Variants in EFCAB11 observed in about 807,000 individuals in gnomAD.
The protein encoded by EFCAB11 is EF-hand calcium binding domain 11.
In EFCAB11, 14 loss-of-function variants were observed where a neutral mutation model predicts 23.0. That is an observed-to-expected ratio of 0.61 (90% CI 0.40 to 0.95). EFCAB11 has a LOEUF of 0.95. Ranked by LOEUF, EFCAB11 falls within the 40% of genes least tolerant of loss-of-function variation. The pLI, the probability that EFCAB11 is intolerant of heterozygous loss-of-function variation, is 0.00. For synonymous variants in EFCAB11, 65 were observed against 66.6 expected, an observed-to-expected ratio of 0.98 and a Z score of 0.11; for missense variants, 198 against 195.8, an observed-to-expected ratio of 1.01 and a Z score of -0.07.
intron 5 of EFCAB11, among the ~76,000 whole-genome samples, chr14:89,866,030 C>T (rs1450151317): frequency 2.0e-5 from 3 of 152,052 alleles, no homozygotes; most frequent in South Asian, 4.1e-4. Flanking sequence ...AGTGATCCGC[C>T]CACCTCAGCC....
chr14:89,881,730 G>T (rs1044670836), intron 5 of EFCAB11, among the ~76,000 whole-genome samples: 1 of 151,796 alleles, frequency 6.6e-6, no homozygotes, highest in Non-Finnish European at 1.5e-5. Context: ...TTACAGGCAT[G>T]AGCCACTGTG....
intron 5 of EFCAB11, among the ~76,000 whole-genome samples, chr14:89,805,803 C>T (rs1335986449): frequency 6.6e-6 from 1 of 152,104 alleles, no homozygotes; most frequent in Non-Finnish European, 1.5e-5. Flanking sequence ...TCCTGACATA[C>T]AAAGGATTCT....
At chr14:89,902,563 C>T (rs76570139) in intron 5 of EFCAB11, among the ~76,000 whole-genome samples, 8,209 of 152,204 alleles carry the variant, frequency 0.054, 377 homozygotes, top group African/African-American at 0.12. Context: ...AATCTCAAGG[C>T]TTCCAAGAAT....
intron 5 of EFCAB11, among the ~76,000 whole-genome samples, chr14:89,894,152 G>A (rs1025771000): frequency 6.6e-6 from 1 of 151,940 alleles, no homozygotes; most frequent in Non-Finnish European, 1.5e-5. Context: ...GGGTTTCACC[G>A]TGTTAGCCAG....
At chr14:89,935,786 A>AT (rs1338911389) in intron 3 of EFCAB11, among the ~76,000 whole-genome samples, 3 of 152,198 alleles carry the variant, frequency 2.0e-5, no homozygotes, top group Admixed American at 6.5e-5. Context: ...AGGCAGGCAG[A>AT]TCACCTGAGG....
At chr14:89,869,188 G>A (rs1270549988) in intron 5 of EFCAB11, among the ~76,000 whole-genome samples, 3 of 152,158 alleles carry the variant, frequency 2.0e-5, no homozygotes, top group Admixed American at 1.3e-4. Context: ...GGGTGACAGT[G>A]AGACCCTGTC....
chr14:89,931,663 C>A, intron 4 of EFCAB11, 32 bp from the exon 5 acceptor site: 1 of 1,578,682 alleles, frequency 6.3e-7, no homozygotes, highest in Admixed American at 1.7e-5. Context: ...TATTCACTTA[C>A]TTTAATAAGA....
intron 5 of EFCAB11, among the ~76,000 whole-genome samples, chr14:89,818,908 T>C (rs1474183071): frequency 1.3e-5 from 2 of 152,164 alleles, no homozygotes; most frequent in African/African-American, 4.8e-5. Context: ...GAATTCTCAT[T>C]CACTGCTGGT....
intron 5 of EFCAB11, among the ~76,000 whole-genome samples, chr14:89,822,857 T>C (rs1264460045): frequency 6.6e-6 from 1 of 152,192 alleles, no homozygotes; most frequent in East Asian, 1.9e-4. Context: ...AGAACTATCC[T>C]AACAAAGCTT....
At chr14:89,914,260 C>T (rs886802288) in intron 5 of EFCAB11, among the ~76,000 whole-genome samples, 5 of 152,180 alleles carry the variant, frequency 3.3e-5, no homozygotes, top group African/African-American at 4.8e-5. Context: ...TCATCACACC[C>T]AAGGAGGGAC....
Position 89,893,884 on chromosome 14 carries a change from C to T in EFCAB11, c.410+37657G>A, listed in dbSNP as rs912515879. Among the ~76,000 whole-genome samples, 881 of 151,524 alleles carry T rather than the reference C, an allele frequency of 5.8e-3. 8 individuals are homozygous for T. The highest frequency in any genetic ancestry group is 0.021 in the African/African-American group (849 of 41,206). ...GATATTAAAACTATACATACATATACACAGACATGTTATTCATCATATTAA... is the reference window on the plus strand; with the variant it reads ...GATATTAAAACTATACATACATATATACAGACATGTTATTCATCATATTAA... On this transcript the variant is annotated intron_variant, in intron 5 of 5. Coordinates refer to ENST00000316738, the MANE Select transcript of EFCAB11 (RefSeq NM_145231.4).
chr14:89,867,238 T>G (rs886689929), intron 5 of EFCAB11, among the ~76,000 whole-genome samples: 1 of 152,194 alleles, frequency 6.6e-6, no homozygotes, highest in Non-Finnish European at 1.5e-5. Flanking sequence ...CTTTGTCTTG[T>G]TTTTTAGTCA....
intron 5 of EFCAB11, among the ~76,000 whole-genome samples, chr14:89,914,825 T>C (rs960910548): frequency 4.0e-5 from 6 of 151,488 alleles, no homozygotes; most frequent in African/African-American, 1.2e-4. Flanking sequence ...TTATGAAATA[T>C]GTAGGGAAAT....
intron 5 of EFCAB11, among the ~76,000 whole-genome samples, chr14:89,866,074 C>T (rs184187703): frequency 3.9e-5 from 6 of 152,216 alleles, no homozygotes; most frequent in Admixed American, 6.5e-5. Flanking sequence ...CATGAGTCAC[C>T]GTGCCTGGCC....
intron 5 of EFCAB11, 164 bp downstream of exon 5, chr14:89,931,377 T>G: frequency 1.5e-6 from 1 of 650,262 alleles, no homozygotes; most frequent in South Asian, 2.1e-5. Context: ...GAAGGACCCA[T>G]AGCTAACTAT....
intron 5 of EFCAB11, among the ~76,000 whole-genome samples, chr14:89,803,896 AT>A (rs1033592576): frequency 1.3e-5 from 2 of 152,148 alleles, no homozygotes; most frequent in African/African-American, 4.8e-5. Context: ...GTGTTTATTA[AT>A]TTTACCTTTT....
intron 5 of EFCAB11, among the ~76,000 whole-genome samples, chr14:89,885,194 A>C (rs1345254038): frequency 6.6e-6 from 1 of 152,218 alleles, no homozygotes; most frequent in African/African-American, 2.4e-5. Flanking sequence ...TAAAAACCAA[A>C]TATTTCAGAA....
chr14:89,823,837 G>A (rs976475711), intron 5 of EFCAB11, among the ~76,000 whole-genome samples: 2 of 152,134 alleles, frequency 1.3e-5, no homozygotes, highest in Non-Finnish European at 1.5e-5. Context: ...AAATATTGCA[G>A]AAGAAAACTT....
intron 5 of EFCAB11, among the ~76,000 whole-genome samples, chr14:89,874,748 C>T (rs1030885150): frequency 3.9e-5 from 6 of 152,222 alleles, no homozygotes; most frequent in Non-Finnish European, 7.4e-5. Context: ...AAAAATTAGC[C>T]GGGCGCCGTG....
Sources: allele counts gnomAD v4.1 joint callset (sites outside exome capture counted in the v4.1 genomes callset), GRCh38; gene constraint gnomAD v4.1.1; transcripts MANE v1.5; gene names NCBI Gene and HGNC (gene_info 2026-07-23, HGNC 2026-07-21).